The following CHKA variants were observed in gnomAD, a reference collection of about 807,000 sequenced individuals.
The protein encoded by CHKA is choline kinase alpha, also known as CHETK-alpha.
Under a neutral mutation model 60.1 loss-of-function variants are expected in CHKA, and 34 were observed. The ratio of observed to expected loss-of-function variants is 0.57; its 90% CI spans 0.43 to 0.75. The LOEUF (loss-of-function observed/expected upper bound fraction) is 0.75, where lower values mean the gene tolerates loss of function less well. Among genes scored for constraint, CHKA ranks in the 30% least tolerant of loss-of-function variants. CHKA has a pLI of 0.00. For synonymous variants in CHKA, 217 were observed against 223.1 expected, an observed-to-expected ratio of 0.97 and a Z score of 0.24; for missense variants, 563 against 561.3, an observed-to-expected ratio of 1.00 and a Z score of -0.03.
intron 6 of CHKA, 47 bp downstream of exon 6, chr11:68,070,142 T>C: frequency 7.3e-7 from 1 of 1,360,632 alleles, no homozygotes; most frequent in Non-Finnish European, 1.1e-6. Context: ...GACAACAGTT[T>C]TAGTGACTAA....
At chr11:68,068,828 T>G (rs779815212) in intron 7 of CHKA, 51 bp downstream of exon 7, 8 of 1,320,304 alleles carry the variant, frequency 6.1e-6, no homozygotes, top group Non-Finnish European at 5.5e-6. Context: ...GCCAGTAATT[T>G]TCTAAGTATG....
At chr11:68,120,807 C>T in intron 1 of CHKA, 21 bp downstream of exon 1, 1 of 1,221,054 alleles carries the variant, frequency 8.2e-7, no homozygotes. Context: ...TCCCGCGGCC[C>T]CCAGACCCGG....
At chr11:68,084,311 CATGTGTATATAT>C (rs1565183046) in intron 2 of CHKA, among the ~76,000 whole-genome samples, 1 of 135,956 alleles carries the variant, frequency 7.4e-6, no homozygotes, top group African/African-American at 2.7e-5. Context: ...TGTGTATATA[CATGTGTATATAT>C]ATACACATAT....
chr11:68,096,827 A>T lies in CHKA; in HGVS notation c.462+192T>A, dbSNP rs192571667. Among the ~76,000 whole-genome samples the T allele has an allele frequency of 9.9e-5, 15 of 152,176 alleles. No homozygotes were observed. The East Asian group carries it at 1.3e-3, about 14-fold the overall frequency. ...ACTAGTTTACTAATAAATAATAACTAAAAAAAACACGAATTAACTTAGAAT... is the reference window on the plus strand; with the variant it reads ...ACTAGTTTACTAATAAATAATAACTTAAAAAAACACGAATTAACTTAGAAT... On this transcript the variant is annotated intron_variant, in intron 2 of 11. Coordinates refer to ENST00000265689, the MANE Select transcript of CHKA (RefSeq NM_001277.3).
At chr11:68,062,967 G>A (rs185656279) in intron 10 of CHKA, among the ~76,000 whole-genome samples, 1 of 152,204 alleles carries the variant, frequency 6.6e-6, no homozygotes, top group African/African-American at 2.4e-5. Flanking sequence ...ACCAAAAAAT[G>A]TCACAGGAGA....
chr11:68,109,120 C>T (rs530189712), intron 1 of CHKA, among the ~76,000 whole-genome samples: 24 of 136,748 alleles, frequency 1.8e-4, no homozygotes, highest in Admixed American at 4.6e-4. Flanking sequence ...GACAGAGTCT[C>T]GCTCTGTCCC....
At chr11:68,079,014 G>T (rs948785468) in intron 3 of CHKA, among the ~76,000 whole-genome samples, 1 of 148,350 alleles carries the variant, frequency 6.7e-6, no homozygotes, top group East Asian at 2.1e-4. Context: ...GCTCACTGAA[G>T]CCTCCGCCTC....
At chr11:68,087,932 G>A (rs1002379931) in intron 2 of CHKA, among the ~76,000 whole-genome samples, 1 of 151,966 alleles carries the variant, frequency 6.6e-6, no homozygotes, top group African/African-American at 2.4e-5. Context: ...GACCAACATG[G>A]TGAAACCCTG....
chr11:68,107,301 ATCACC>A (rs1338227146), intron 1 of CHKA, among the ~76,000 whole-genome samples: 1 of 152,000 alleles, frequency 6.6e-6, no homozygotes, highest in Non-Finnish European at 1.5e-5. Flanking sequence ...CGGGTACAAA[ATCACC>A]CCACTATTCC....
chr11:68,070,820 T>C lies in CHKA; in HGVS notation c.668A>G (p.Asp223Gly), dbSNP rs1173742790. 1.2e-6 allele frequency: 2 copies of C among 1,612,918 alleles called. No homozygotes were observed. The highest frequency in any genetic ancestry group is 1.3e-5 in the African/African-American group (1 of 74,940). The change falls in exon 5 of 12, where the codon GAT (aspartate) becomes GGT (glycine). Residue 223 changes from aspartate to glycine, a missense_variant. By Grantham distance (94) the Asp-to-Gly change is moderately conservative. Transcript: ENST00000265689. ...TTTCTCGGCGATTTCTGCAGAAATA[T>C]CTGGCAAACTTAATTCTTCAGTATC... ...RLDTEELSLP[D>G]ISAEIAEKMA...
chr11:68,066,114 C>CACT (rs1487255338), intron 8 of CHKA, among the ~76,000 whole-genome samples: 1 of 152,190 alleles, frequency 6.6e-6, no homozygotes, highest in African/African-American at 2.4e-5. Flanking sequence ...GCACCTGAAC[C>CACT]ACTACTCCAG....
At chr11:68,083,874 C>A (rs546947314) in intron 2 of CHKA, among the ~76,000 whole-genome samples, 1 of 151,974 alleles carries the variant, frequency 6.6e-6, no homozygotes, top group African/African-American at 2.4e-5. Context: ...AAGTGTAAGA[C>A]GAGGAAATCT....
chr11:68,070,365 G>A, intron 5 of CHKA, 72 bp from the exon 6 acceptor site: 1 of 1,149,262 alleles, frequency 8.7e-7, no homozygotes, highest in Non-Finnish European at 1.3e-6. Flanking sequence ...GCTGTTCTTG[G>A]GGCTTTGGTT....
intron 4 of CHKA, among the ~76,000 whole-genome samples, chr11:68,073,786 T>C (rs760546922): frequency 6.6e-6 from 1 of 152,194 alleles, no homozygotes; most frequent in African/African-American, 2.4e-5. Flanking sequence ...TCTGCACAGA[T>C]GTACAGGGCA....
chr11:68,074,761 G>C lies in CHKA; in HGVS notation c.586C>G (p.Leu196Val). 6.2e-7 allele frequency: 1 copy of C among 1,614,218 alleles called. No homozygotes were observed. The highest frequency in any genetic ancestry group is 8.5e-7 in the Non-Finnish European group (1 of 1,180,042). The change falls in exon 4 of 12, where the codon CTC (leucine) becomes GTC (valine). Residue 196 changes from leucine to valine, a missense_variant. Transcript: ENST00000265689. Reference sequence around the variant, plus strand: ...CGGCCTTGGGGAAAGATGCCATAGAGTTTTGGCCCAAGTGACCTCTCTGCG... The same window carrying C: ...CGGCCTTGGGGAAAGATGCCATAGACTTTTGGCCCAAGTGACCTCTCTGCG... ...ILAERSLGPK[L>V]YGIFPQGRLE...
intron 10 of CHKA, among the ~76,000 whole-genome samples, chr11:68,064,129 C>T (rs1295179709): frequency 6.6e-6 from 1 of 152,182 alleles, no homozygotes; most frequent in Admixed American, 6.5e-5. Context: ...AGCTCCTAGG[C>T]CAGGCGCAGT....
Position 68,053,096 on chromosome 11 carries a change from G to C in CHKA, c.*892C>G, listed in dbSNP as rs1307638574. 6.6e-6 allele frequency: 1 copy of C among 152,528 alleles called. No individual in the cohort carries two copies. The allele number at this position is 152,528 out of a possible 1,614,324, so 9.4% of individuals were successfully genotyped here. ...GGGGCATCAGGAAAGGTAAGGGCCG[G>C]GAAACCGGGCCCTTGGAGAACCCTG... is the stretch of plus-strand genomic sequence containing the variant. On this transcript the variant is annotated 3_prime_UTR_variant, in exon 12 of 12. Transcript: ENST00000265689.
At chr11:68,105,103 CAA>C (rs986302317) in intron 1 of CHKA, among the ~76,000 whole-genome samples, 1 of 137,086 alleles carries the variant, frequency 7.3e-6, no homozygotes. Flanking sequence ...AACTCCATCT[CAA>C]AAAAAAAAAG....
At chr11:68,071,571 C>G (rs1856620675) in intron 4 of CHKA, among the ~76,000 whole-genome samples, 1 of 152,212 alleles carries the variant, frequency 6.6e-6, no homozygotes, top group African/African-American at 2.4e-5. Flanking sequence ...ATGCAACCTG[C>G]CACCCTGCAG....
Sources: gnomAD v4.1 joint callset for allele counts (sites outside exome capture counted in the v4.1 genomes callset) on GRCh38, gnomAD v4.1.1 for gene constraint, MANE v1.5 for transcripts, NCBI Gene and HGNC (gene_info 2026-07-23, HGNC 2026-07-21) for gene names.